The following EFR3B variants were observed in gnomAD, a reference collection of about 807,000 sequenced individuals.
EFR3B encodes protein EFR3 homolog B.
EFR3B carries 64 observed loss-of-function variants against 104.7 expected under a neutral mutation model. The observed-to-expected ratio is 0.61, with a 90% confidence interval of 0.50 to 0.75. The LOEUF is 0.75. Ranked by LOEUF, EFR3B falls within the 30% of genes least tolerant of loss-of-function variation. The pLI, the probability that EFR3B is intolerant of heterozygous loss-of-function variation, is 0.00. For missense variants in EFR3B, 750 were observed against 1,078.5 expected, an observed-to-expected ratio of 0.70 and a Z score of 4.27; for synonymous variants, 385 against 417.9, an observed-to-expected ratio of 0.92 and a Z score of 0.96.
intron 4 of EFR3B, among the ~76,000 whole-genome samples, chr2:25,121,181 C>T (rs755247431): frequency 3.9e-5 from 6 of 152,202 alleles, no homozygotes; most frequent in Non-Finnish European, 7.3e-5. Flanking sequence ...GGATTACAGG[C>T]ATGAGCCACT....
Position 25,158,955 on chromosome 2 carries a change from G to C in EFR3B, c.*4615G>C, listed in dbSNP as rs556708650. The C allele has an allele frequency of 3.9e-5, 6 of 152,306 alleles. No individual in the cohort carries two copies. Among genetic ancestry groups the C allele is most frequent in the Non-Finnish European group, 8.8e-5 (6 of 68,034 alleles). 9.4% of individuals were successfully genotyped at this position (152,306 alleles called of 1,614,324 possible). On this transcript the variant is annotated 3_prime_UTR_variant, in exon 23 of 23. Coordinates refer to ENST00000403714, the MANE Select transcript of EFR3B (RefSeq NM_014971.2). ...GAGTGCAGAATTAGTGCCCGTGGCG[G>C]TTTTCTGTATTTTAAACCCATTGAA... is the stretch of plus-strand genomic sequence containing the variant.
At chr2:25,089,955 C>T (rs1398592910) in intron 1 of EFR3B, among the ~76,000 whole-genome samples, 1 of 152,242 alleles carries the variant, frequency 6.6e-6, no homozygotes. Flanking sequence ...CCCAAATCAC[C>T]CCAGAGCCAA....
At chr2:25,087,378 TAC>T (rs1294870019) in intron 1 of EFR3B, among the ~76,000 whole-genome samples, 69 of 142,448 alleles carry the variant, frequency 4.8e-4, no homozygotes, top group African/African-American at 1.7e-3. Flanking sequence ...TATATATATA[TAC>T]ACACACACAC....
intron 4 of EFR3B, 122 bp from the exon 5 acceptor site, chr2:25,121,551 A>G: frequency 7.8e-7 from 1 of 1,287,892 alleles, no homozygotes; most frequent in South Asian, 1.4e-5. Context: ...AAGGCCGGCC[A>G]AGCTGGCTCC....
chr2:25,118,897 G>A (rs923970613), intron 4 of EFR3B, among the ~76,000 whole-genome samples: 12 of 152,092 alleles, frequency 7.9e-5, no homozygotes, highest in Non-Finnish European at 1.6e-4. Flanking sequence ...AACCAGCCAG[G>A]CATCGTGGCT....
intron 16 of EFR3B, among the ~76,000 whole-genome samples, chr2:25,140,253 G>A (rs1302047644): frequency 3.3e-5 from 5 of 152,110 alleles, no homozygotes; most frequent in African/African-American, 1.2e-4. Flanking sequence ...ATGGAGTTGA[G>A]CCAAGATTGC....
intron 17 of EFR3B, 115 bp downstream of exon 17, chr2:25,141,548 AG>A (rs1321479600): frequency 9.1e-7 from 1 of 1,102,018 alleles, no homozygotes; most frequent in Non-Finnish European, 1.3e-6. Flanking sequence ...TGTGGACTCA[AG>A]GGCAGAAGGT....
intron 1 of EFR3B, chr2:25,081,438 A>T: frequency 7.0e-7 from 1 of 1,425,016 alleles, no homozygotes; most frequent in Non-Finnish European, 9.8e-7. Context: ...TGGCAATTGC[A>T]TAAGCTTCAT....
intron 11 of EFR3B, 117 bp from the exon 12 acceptor site, chr2:25,133,265 TG>T: frequency 1.7e-6 from 2 of 1,175,498 alleles, no homozygotes; most frequent in Non-Finnish European, 2.5e-6. Context: ...GTCACTGTCC[TG>T]GGTAACCCAA....
At chr2:25,045,458 G>C (rs1667688343) in intron 1 of EFR3B, among the ~76,000 whole-genome samples, 1 of 152,194 alleles carries the variant, frequency 6.6e-6, no homozygotes, top group African/African-American at 2.4e-5. Context: ...TGCAAAAATG[G>C]ATTCCCATGA....
chr2:25,109,631 A>G (rs1489751876), intron 4 of EFR3B, among the ~76,000 whole-genome samples: 1 of 152,214 alleles, frequency 6.6e-6, no homozygotes, highest in Non-Finnish European at 1.5e-5. Context: ...AAGGTCACCT[A>G]TTTATCGTCC....
intron 4 of EFR3B, among the ~76,000 whole-genome samples, chr2:25,112,947 C>T (rs932570112): frequency 3.3e-5 from 5 of 151,540 alleles, no homozygotes; most frequent in African/African-American, 9.7e-5. Context: ...GTGATAAGAC[C>T]GGGAGAGAGC....
At chr2:25,058,588 G>T (rs879879515) in intron 1 of EFR3B, among the ~76,000 whole-genome samples, 7 of 151,922 alleles carry the variant, frequency 4.6e-5, no homozygotes, top group Non-Finnish European at 8.8e-5. Flanking sequence ...ATAAAACCTC[G>T]TCTCTTCTAA....
intron 1 of EFR3B, among the ~76,000 whole-genome samples, chr2:25,081,945 C>T (rs1205097988): frequency 1.3e-5 from 2 of 152,304 alleles, no homozygotes; most frequent in East Asian, 1.9e-4. Context: ...AACCACCAAT[C>T]GCCCTGAGTA....
chr2:25,117,765 T>C (rs1669903094), intron 4 of EFR3B, among the ~76,000 whole-genome samples: 1 of 152,050 alleles, frequency 6.6e-6, no homozygotes. Flanking sequence ...CATCCACCTC[T>C]TGTTCTCTAA....
intron 1 of EFR3B, among the ~76,000 whole-genome samples, chr2:25,077,537 C>T (rs1214407554): frequency 2.6e-5 from 4 of 152,234 alleles, no homozygotes; most frequent in Admixed American, 2.6e-4. Context: ...GATCCGCCTG[C>T]CTTGGCCTCC....
Position 25,130,588 on chromosome 2 carries a change from G to A in EFR3B, c.807G>A (p.Val269=). ...ACCATTCTCTTTGGGAACCCAAGGT[G>A]TTTGCCATCCGTTGCTTTAAAATCA... ...LDNHSLWEPK[V]FAIRCFKIIM... is the part of the protein sequence containing the mutation. The change falls in exon 8 of 23, where the codon GTG becomes GTA. Residue 269 remains valine, a synonymous_variant. Coordinates refer to ENST00000403714, the MANE Select transcript of EFR3B (RefSeq NM_014971.2). This position sits in a 1 kb window ranked among gnomAD's most constrained non-coding sequence, Gnocchi z 4.6. The A allele has an allele frequency of 6.4e-7, 1 of 1,551,730 alleles. No individual in the cohort carries two copies. Among genetic ancestry groups the A allele is most frequent in the Non-Finnish European group, 8.7e-7 (1 of 1,147,006 alleles).
chr2:25,071,773 C>CGA (rs1290016239), intron 1 of EFR3B, among the ~76,000 whole-genome samples: 2 of 152,164 alleles, frequency 1.3e-5, no homozygotes, highest in Non-Finnish European at 2.9e-5. Flanking sequence ...TGCACTTAAT[C>CGA]GATACCTTTC....
rs5829961 is a variant in EFR3B at position 25,124,277 on chromosome 2, A to AGTGTGTGT, written c.485+2531_485+2538dup. 5.5e-3 allele frequency among the ~76,000 whole-genome samples: 685 copies of AGTGTGTGT among 124,870 alleles called. 15 individuals carry two copies. The highest frequency in any genetic ancestry group is 8.4e-3 in the East Asian group (34 of 4,068). 81.9% of individuals were successfully genotyped at this position (124,870 alleles called of 152,430 possible). On this transcript the variant is annotated intron_variant, in intron 5 of 22. Transcript: ENST00000403714. Reference sequence around the variant, plus strand: ...GTCCAGCAGTGGGCCTGTGCATGCAAGTGTGTGTGTGTGTGTGTGTGTGTG... The same window carrying AGTGTGTGT: ...GTCCAGCAGTGGGCCTGTGCATGCAAGTGTGTGTGTGTGTGTGTGTGTGTGTGTGTGTG...
Sources: allele counts gnomAD v4.1 joint callset (sites outside exome capture counted in the v4.1 genomes callset), GRCh38; gene constraint gnomAD v4.1.1; non-coding constraint Gnocchi (gnomAD v3.1); transcripts MANE v1.5; gene names NCBI Gene and HGNC (gene_info 2026-07-23, HGNC 2026-07-21).